Variants in RAP1GDS1 observed in about 807,000 individuals in gnomAD.
The protein encoded by RAP1GDS1 is Rap1 GTPase-GDP dissociation stimulator 1.
RAP1GDS1 carries 35 observed loss-of-function variants against 71.1 expected under a neutral mutation model. That is an observed-to-expected ratio of 0.49 (90% CI 0.38 to 0.65). The LOEUF (loss-of-function observed/expected upper bound fraction) is 0.65, where lower values mean the gene tolerates loss of function less well. Among genes scored for constraint, RAP1GDS1 ranks in the 30% least tolerant of loss-of-function variants. The pLI is 0.00. For missense variants in RAP1GDS1, 663 were observed against 706.1 expected, an observed-to-expected ratio of 0.94 and a Z score of 0.69; for synonymous variants, 229 against 243.1, an observed-to-expected ratio of 0.94 and a Z score of 0.54.
chr4:98,308,332 T>TATATATATATGC (rs56135677), intron 2 of RAP1GDS1, among the ~76,000 whole-genome samples: 1 of 137,116 alleles, frequency 7.3e-6, no homozygotes, highest in Non-Finnish European at 1.6e-5. Context: ...TATATATATA[T>TATATATATATGC]GCGCCAGGCA....
chr4:98,407,832 A>T (rs565432662), intron 7 of RAP1GDS1, among the ~76,000 whole-genome samples: 115 of 113,606 alleles, frequency 1.0e-3, no homozygotes, highest in Non-Finnish European at 1.5e-3. Flanking sequence ...TTGAAATTTT[A>T]AAAAAAATAA....
rs1235590546 is a variant in RAP1GDS1, at chr4:98,414,430, A to C, written c.764-2315A>C. ...AAGGGATCCAGTTTCAGCTTTCTACATATGGCTAGCCAGTTTTCCCAGCAC... is the reference window on the plus strand; with the variant it reads ...AAGGGATCCAGTTTCAGCTTTCTACCTATGGCTAGCCAGTTTTCCCAGCAC... On this transcript the variant is annotated intron_variant, in intron 7 of 14. Transcript: ENST00000408927. Among the ~76,000 whole-genome samples the C allele has an allele frequency of 1.2e-4, 17 of 140,722 alleles. No homozygotes were observed. In the South Asian group the frequency reaches 3.8e-3, roughly 32 times the overall value. 92.3% of individuals were successfully genotyped at this position (140,722 alleles called of 152,430 possible).
At chr4:98,329,004 C>A (rs764285905) in intron 2 of RAP1GDS1, among the ~76,000 whole-genome samples, 16 of 152,252 alleles carry the variant, frequency 1.1e-4, no homozygotes, top group Non-Finnish European at 2.1e-4. Context: ...ACACTTTTTA[C>A]TCACTCACTG....
chr4:98,331,100 G>T (rs1357198104), intron 2 of RAP1GDS1, among the ~76,000 whole-genome samples: 1 of 152,208 alleles, frequency 6.6e-6, no homozygotes, highest in Non-Finnish European at 1.5e-5. Flanking sequence ...CTGGAGACCA[G>T]CCCCGCCAAC....
Position 98,413,676 on chromosome 4 carries a change from A to G in RAP1GDS1, c.764-3069A>G, listed in dbSNP as rs1465167326. ...GCTATTGTGAATAATGCCGCAATAA[A>G]CATACATGTGCATGTGTCTTTATAG... On this transcript the variant is annotated intron_variant, in intron 7 of 14. Coordinates refer to ENST00000408927, the MANE Select transcript of RAP1GDS1 (RefSeq NM_001100427.2). Among the ~76,000 whole-genome samples, 3 of 152,134 alleles carry G rather than the reference A, an allele frequency of 2.0e-5. No homozygotes were observed. The East Asian group carries it at 5.8e-4, about 29-fold the overall frequency.
At position 98,421,402 on chromosome 4, in the gene RAP1GDS1, C is replaced by T. The variant is rs1463827834; in HGVS notation, c.1440+8C>T. On this transcript the variant is annotated splice_region_variant and intron_variant, in intron 12 of 14. Coordinates refer to ENST00000408927, the MANE Select transcript of RAP1GDS1 (RefSeq NM_001100427.2). ...CGACACAGTAAATCAAAAGTAAGTT[C>T]CAGAGGAAACTGTTCACTAGAAAAC... The T allele has an allele frequency of 1.3e-6, 2 of 1,582,520 alleles. No individual in the cohort carries two copies. Among genetic ancestry groups the T allele is most frequent in the East Asian group, 2.3e-5 (1 of 44,330 alleles).
chr4:98,332,330 A>G (rs1006154036), intron 2 of RAP1GDS1, among the ~76,000 whole-genome samples: 6 of 152,232 alleles, frequency 3.9e-5, no homozygotes, highest in Non-Finnish European at 8.8e-5. Flanking sequence ...ATTGAGATAC[A>G]TCAGGACAAG....
chr4:98,382,573 A>G (rs1742170889), intron 5 of RAP1GDS1, among the ~76,000 whole-genome samples: 1 of 151,472 alleles, frequency 6.6e-6, no homozygotes, highest in Non-Finnish European at 1.5e-5. Flanking sequence ...AATTGTAGGT[A>G]TTTTAATCTC....
chr4:98,420,346 ATTT>A (rs1748650120), intron 11 of RAP1GDS1, among the ~76,000 whole-genome samples: 1 of 146,036 alleles, frequency 6.8e-6, no homozygotes, highest in African/African-American at 2.5e-5. Flanking sequence ...TTATTTATTT[ATTT>A]ATTTATTTAT....
chr4:98,360,859 G>C (rs1278634634), intron 4 of RAP1GDS1, among the ~76,000 whole-genome samples: 1 of 152,000 alleles, frequency 6.6e-6, no homozygotes, highest in African/African-American at 2.4e-5. Flanking sequence ...ATCACTTGAG[G>C]TCAGGAGTTC....
At chr4:98,321,594 A>G (rs1731908400) in intron 2 of RAP1GDS1, among the ~76,000 whole-genome samples, 1 of 151,950 alleles carries the variant, frequency 6.6e-6, no homozygotes, top group Admixed American at 6.6e-5. Context: ...CCTACAAGCC[A>G]GAAGAGTGGG....
Position 98,348,995 on chromosome 4 carries a change from G to T in RAP1GDS1, c.236-3481G>T, listed in dbSNP as rs186866405. Among the ~76,000 whole-genome samples, 491 of 152,232 alleles carry T rather than the reference G, an allele frequency of 3.2e-3. 14 individuals carry two copies. Among genetic ancestry groups the T allele is most frequent in the Admixed American group, 0.027 (417 of 15,298 alleles). ...AATTAGATCCCATTTGTCAATTTTG[G>T]TTTTTGTTACCATTGCTTTTGGTGT... On this transcript the variant is annotated intron_variant, in intron 3 of 14. Transcript: ENST00000408927.
At chr4:98,338,143 A>C (rs982528571) in intron 2 of RAP1GDS1, among the ~76,000 whole-genome samples, 1 of 152,140 alleles carries the variant, frequency 6.6e-6, no homozygotes, top group African/African-American at 2.4e-5. Flanking sequence ...AGTGAAATGG[A>C]ATCTATGGGA....
chr4:98,437,282 A>G (rs920595510), intron 14 of RAP1GDS1, among the ~76,000 whole-genome samples: 5 of 152,202 alleles, frequency 3.3e-5, no homozygotes, highest in Non-Finnish European at 4.4e-5. Flanking sequence ...CTTGAAATAT[A>G]CACTACATTG....
chr4:98,407,773 C>T (rs1194732718), intron 7 of RAP1GDS1, among the ~76,000 whole-genome samples: 4 of 151,866 alleles, frequency 2.6e-5, no homozygotes, highest in Non-Finnish European at 5.9e-5. Context: ...GACTTTGCCA[C>T]TATACAATTC....
chr4:98,378,257 A>T (rs1260886995), intron 4 of RAP1GDS1, among the ~76,000 whole-genome samples: 1 of 151,832 alleles, frequency 6.6e-6, no homozygotes, highest in Non-Finnish European at 1.5e-5. Context: ...AGCTGTTTGT[A>T]TGTTCTGACA....
At chr4:98,394,857 A>C (rs1025739397) in intron 6 of RAP1GDS1, among the ~76,000 whole-genome samples, 1 of 152,156 alleles carries the variant, frequency 6.6e-6, no homozygotes, top group Admixed American at 6.5e-5. Context: ...CCCAGATTCC[A>C]AATTGTTCAC....
chr4:98,326,176 C>G (rs994827709), intron 2 of RAP1GDS1, among the ~76,000 whole-genome samples: 24 of 151,998 alleles, frequency 1.6e-4, no homozygotes, highest in Non-Finnish European at 3.2e-4. Flanking sequence ...TAATTCTTCC[C>G]TCTTCCAAAC....
At chr4:98,268,791 G>GT (rs200969370) in intron 1 of RAP1GDS1, among the ~76,000 whole-genome samples, 1,925 of 152,064 alleles carry the variant, frequency 0.013, 18 homozygotes, top group Non-Finnish European at 0.02. Flanking sequence ...GCTGAAAACT[G>GT]TAAGACATTG....
Sources: allele counts gnomAD v4.1 joint callset (sites outside exome capture counted in the v4.1 genomes callset), GRCh38; gene constraint gnomAD v4.1.1; transcripts MANE v1.5; gene names NCBI Gene and HGNC (gene_info 2026-07-23, HGNC 2026-07-21).